Variants in CCDC170 observed in about 807,000 individuals in gnomAD.
CCDC170 encodes the protein coiled-coil domain-containing protein 170.
CCDC170 carries 69 observed loss-of-function variants against 72.6 expected under a neutral mutation model. That is an observed-to-expected ratio of 0.95 (90% confidence interval 0.78 to 1.16). The LOEUF (loss-of-function observed/expected upper bound fraction) is 1.16, where lower values mean the gene tolerates loss of function less well. CCDC170 is among the 50% of genes most tolerant of loss of function. The pLI is 0.00. For missense variants in CCDC170, 852 were observed against 832.5 expected, an observed-to-expected ratio of 1.02 and a Z score of -0.29; for synonymous variants, 300 against 303.9, an observed-to-expected ratio of 0.99 and a Z score of 0.13.
chr6:151,535,781 T>C (rs144405629), intron 1 of CCDC170, among the ~76,000 whole-genome samples: 32 of 152,264 alleles, frequency 2.1e-4, no homozygotes, highest in African/African-American at 7.7e-4. Flanking sequence ...TCTCTCTCTC[T>C]ATTGGCTGGG....
At chr6:151,533,866 T>C (rs1782532588) in intron 1 of CCDC170, among the ~76,000 whole-genome samples, 1 of 152,144 alleles carries the variant, frequency 6.6e-6, no homozygotes, top group Non-Finnish European at 1.5e-5. Context: ...TGATCCAGAG[T>C]AGGCTATCAG....
intron 5 of CCDC170, among the ~76,000 whole-genome samples, chr6:151,555,948 T>C (rs918249792): frequency 1.1e-4 from 17 of 152,186 alleles, no homozygotes; most frequent in Non-Finnish European, 1.9e-4. Flanking sequence ...GCCCATATTA[T>C]ACAAAATTAA....
chr6:151,529,422 G>T (rs1171442951), intron 1 of CCDC170, among the ~76,000 whole-genome samples: 1 of 152,194 alleles, frequency 6.6e-6, no homozygotes, highest in East Asian at 1.9e-4. Context: ...ACTTTGGGAG[G>T]CTGTGGTGGG....
chr6:151,580,430 C>G (rs1322512848), intron 6 of CCDC170, among the ~76,000 whole-genome samples: 1 of 151,952 alleles, frequency 6.6e-6, no homozygotes, highest in African/African-American at 2.4e-5. Context: ...TTTGTTATAC[C>G]AAGATAAACA....
intron 9 of CCDC170, among the ~76,000 whole-genome samples, chr6:151,600,008 T>G (rs1776680542): frequency 1.3e-5 from 2 of 152,168 alleles, no homozygotes; most frequent in African/African-American, 2.4e-5. Context: ...AGGAGAGACT[T>G]GGTTTGACTG....
intron 1 of CCDC170, among the ~76,000 whole-genome samples, chr6:151,521,807 T>C (rs1439167857): frequency 6.6e-6 from 1 of 151,770 alleles, no homozygotes; most frequent in Non-Finnish European, 1.5e-5. Flanking sequence ...CATTGTGAAA[T>C]CCCGTCTCTA....
At chr6:151,555,190 A>G (rs1782955438) in intron 5 of CCDC170, among the ~76,000 whole-genome samples, 2 of 152,076 alleles carry the variant, frequency 1.3e-5, no homozygotes, top group African/African-American at 2.4e-5. Flanking sequence ...CCTGGACCTC[A>G]GTTTTTAAAA....
rs369551804 is a variant in CCDC170 at position 151,511,924 on chromosome 6, T to C, written c.57+17739T>C. On this transcript the variant is annotated intron_variant, in intron 1 of 10. Transcript: ENST00000239374. The stretch of plus-strand genomic sequence containing the variant: ...CTGCGGTGGCACGATCAGAGCTCTT[T>C]GCAGCCTCGATTTCCTGGGCTTGAG... Among the ~76,000 whole-genome samples, 40 of 152,240 alleles carry C rather than the reference T, an allele frequency of 2.6e-4. No homozygotes were observed. In the East Asian group the frequency reaches 2.7e-3, roughly 10 times the overall value.
intron 8 of CCDC170, 57 bp from the exon 9 acceptor site, chr6:151,596,278 T>C: frequency 2.7e-6 from 4 of 1,504,594 alleles, no homozygotes; most frequent in South Asian, 2.7e-5. Flanking sequence ...GGGTAACTCA[T>C]TTATATTTAC....
Position 151,517,599 on chromosome 6 carries a change from AT to A in CCDC170, c.58-18709del, listed in dbSNP as rs922850287. Among the ~76,000 whole-genome samples the A allele has an allele frequency of 4.7e-5, 7 of 148,872 alleles. No individual in the cohort carries two copies. The East Asian group carries it at 7.9e-4, about 17-fold the overall frequency. On this transcript the variant is annotated intron_variant, in intron 1 of 10. Transcript: ENST00000239374. ...TGGTGCCCAACACCATGCCTGGCTA[AT>A]TTTTTTTTTCTTTTTGTATTTTTAG... is the stretch of plus-strand genomic sequence containing the variant.
At chr6:151,521,687 T>C (rs1296652775) in intron 1 of CCDC170, among the ~76,000 whole-genome samples, 1 of 152,148 alleles carries the variant, frequency 6.6e-6, no homozygotes, top group Non-Finnish European at 1.5e-5. Flanking sequence ...ATTCTTAGTT[T>C]AAGCGTAAGT....
intron 1 of CCDC170, among the ~76,000 whole-genome samples, chr6:151,509,015 C>CA (rs35476180): frequency 7.9e-5 from 10 of 126,794 alleles, no homozygotes; most frequent in South Asian, 4.9e-4. Context: ...AACTCCTTCT[C>CA]AAAAAAAAAA....
At chr6:151,593,901 A>G (rs557681041) in intron 8 of CCDC170, among the ~76,000 whole-genome samples, 3 of 152,346 alleles carry the variant, frequency 2.0e-5, no homozygotes, top group South Asian at 2.1e-4. Context: ...TACTCTGGGT[A>G]GCCATTTACC....
At chr6:151,584,285 T>A (rs549294648) in intron 6 of CCDC170, among the ~76,000 whole-genome samples, 1 of 152,356 alleles carries the variant, frequency 6.6e-6, no homozygotes, top group South Asian at 2.1e-4. Context: ...GCTGTAATCA[T>A]TGTAAAGTTT....
chr6:151,519,698 G>A (rs1182819173), intron 1 of CCDC170, among the ~76,000 whole-genome samples: 10 of 152,218 alleles, frequency 6.6e-5, no homozygotes, highest in African/African-American at 1.7e-4. Context: ...CTGACTTCCC[G>A]CAACATATAT....
intron 1 of CCDC170, among the ~76,000 whole-genome samples, chr6:151,527,941 G>C (rs976188850): frequency 1.3e-5 from 2 of 152,134 alleles, no homozygotes; most frequent in African/African-American, 4.8e-5. Context: ...TACCATAGTA[G>C]CAAGACTGGC....
At chr6:151,515,181 G>A (rs1005813011) in intron 1 of CCDC170, among the ~76,000 whole-genome samples, 5 of 152,272 alleles carry the variant, frequency 3.3e-5, no homozygotes, top group African/African-American at 4.8e-5. Flanking sequence ...GAGCCTGGGA[G>A]AGATGTCTAC....
intron 5 of CCDC170, among the ~76,000 whole-genome samples, chr6:151,566,684 A>T (rs1290012716): frequency 6.6e-6 from 1 of 152,214 alleles, no homozygotes; most frequent in Non-Finnish European, 1.5e-5. Context: ...GTAGGAGATT[A>T]GTATAATGAA....
chr6:151,580,476 A>G (rs1776365275), intron 6 of CCDC170, among the ~76,000 whole-genome samples: 2 of 152,132 alleles, frequency 1.3e-5, no homozygotes, highest in Admixed American at 1.3e-4. Context: ...TTTATCTGCT[A>G]TATTAGTAAG....
Sources: allele counts gnomAD v4.1 joint callset (sites outside exome capture counted in the v4.1 genomes callset), GRCh38; gene constraint gnomAD v4.1.1; transcripts MANE v1.5; gene names NCBI Gene and HGNC (gene_info 2026-07-23, HGNC 2026-07-21).